Variants in ATG7 observed in about 807,000 individuals in gnomAD.
The protein encoded by ATG7 is autophagy related 7, also known as ubiquitin-like modifier-activating enzyme ATG7.
A neutral mutation model predicts 82.4 loss-of-function variants in ATG7; 70 were observed. The observed-to-expected ratio is 0.85, with a 90% CI of 0.70 to 1.04. The LOEUF is 1.04. Among genes scored for constraint, ATG7 ranks in the 50% least tolerant of loss-of-function variants. The pLI is 0.00. For missense variants in ATG7, 792 were observed against 864.3 expected, an observed-to-expected ratio of 0.92 and a Z score of 1.05; for synonymous variants, 287 against 313.0, an observed-to-expected ratio of 0.92 and a Z score of 0.88.
At chr3:11,374,440 A>G (rs974581087) in intron 18 of ATG7, among the ~76,000 whole-genome samples, 1 of 152,218 alleles carries the variant, frequency 6.6e-6, no homozygotes, top group African/African-American at 2.4e-5. Flanking sequence ...CTCAAAATAG[A>G]TCATAGTCCT....
intron 18 of ATG7, among the ~76,000 whole-genome samples, chr3:11,377,566 T>G (rs905496396): frequency 6.6e-6 from 1 of 152,216 alleles, no homozygotes; most frequent in African/African-American, 2.4e-5. Context: ...CAGAGAAAAT[T>G]ACCAGTATTT....
At chr3:11,370,196 G>A (rs1417137172) in intron 18 of ATG7, among the ~76,000 whole-genome samples, 1 of 151,106 alleles carries the variant, frequency 6.6e-6, no homozygotes, top group Non-Finnish European at 1.5e-5. Context: ...TCCTAAAAAG[G>A]AATTTATAAA....
chr3:11,419,752 C>A (rs1389209394), intron 19 of ATG7, among the ~76,000 whole-genome samples: 3 of 152,156 alleles, frequency 2.0e-5, no homozygotes, highest in South Asian at 4.2e-4. Context: ...AAGGAGTCAC[C>A]AAAGTGTCTT....
At chr3:11,361,244 T>C (rs1043203181) in intron 16 of ATG7, among the ~76,000 whole-genome samples, 1 of 152,050 alleles carries the variant, frequency 6.6e-6, no homozygotes, top group Non-Finnish European at 1.5e-5. Flanking sequence ...AGTAAAAATA[T>C]AGGATTCCCA....
chr3:11,562,555 A>G (rs1028825094), downstream of ATG7, among the ~76,000 whole-genome samples: 1 of 152,066 alleles, frequency 6.6e-6, no homozygotes, highest in Non-Finnish European at 1.5e-5. Context: ...CCAGGAAGAG[A>G]CCTCGGAGCT....
intron 19 of ATG7, among the ~76,000 whole-genome samples, chr3:11,422,489 T>G (rs1201659759): frequency 1.3e-5 from 2 of 152,214 alleles, no homozygotes; most frequent in Admixed American, 1.3e-4. Context: ...TAAAGGGACT[T>G]TTAGCTTTGC....
the ATG7 span, among the ~76,000 whole-genome samples, chr3:11,565,916 T>A: frequency 6.6e-6 from 1 of 152,240 alleles, no homozygotes; most frequent in Admixed American, 6.5e-5. The surrounding 1 kb of genome is among the most constrained non-coding windows in gnomAD (Gnocchi z 4.1). Flanking sequence ...GCCTTGGGTC[T>A]TGCCCCTTCA....
chr3:11,354,408 G>T (rs965130077), intron 14 of ATG7, among the ~76,000 whole-genome samples: 1 of 152,120 alleles, frequency 6.6e-6, no homozygotes, highest in Non-Finnish European at 1.5e-5. Context: ...CCAGTGCTTT[G>T]GGAGGCTGAG....
chr3:11,402,433 A>G (rs1353781218), intron 19 of ATG7, among the ~76,000 whole-genome samples: 2 of 152,260 alleles, frequency 1.3e-5, no homozygotes, highest in East Asian at 3.9e-4. Context: ...ACTCCGTCTC[A>G]AAAAATAAAT....
chr3:11,384,885 A>G (rs984168826), intron 19 of ATG7, among the ~76,000 whole-genome samples: 6 of 152,180 alleles, frequency 3.9e-5, no homozygotes, highest in African/African-American at 7.2e-5. Context: ...CCTTGAGCCC[A>G]GAGGTTGAGA....
At chr3:11,512,919 T>C (rs1006119528) in intron 20 of ATG7, among the ~76,000 whole-genome samples, 14 of 152,176 alleles carry the variant, frequency 9.2e-5, no homozygotes, top group African/African-American at 3.1e-4. Flanking sequence ...ATCCCTGAGC[T>C]AGACACAAAA....
chr3:11,504,191 G>A (rs974301310), intron 20 of ATG7, among the ~76,000 whole-genome samples: 1 of 152,158 alleles, frequency 6.6e-6, no homozygotes, highest in African/African-American at 2.4e-5. Context: ...AAAAATCAGA[G>A]TTGTTTTTGG....
At chr3:11,484,597 T>C (rs1032673604) in intron 20 of ATG7, among the ~76,000 whole-genome samples, 3 of 152,154 alleles carry the variant, frequency 2.0e-5, no homozygotes, top group African/African-American at 7.2e-5. Context: ...ATGTGCACAA[T>C]GTGCAGGTTA....
intron 9 of ATG7, among the ~76,000 whole-genome samples, chr3:11,322,366 T>A (rs557644122): frequency 6.6e-6 from 1 of 152,362 alleles, no homozygotes; most frequent in African/African-American, 2.4e-5. Context: ...GTGACCATTT[T>A]ATGACCATTT....
At chr3:11,425,563 C>G (rs2082295144) in intron 19 of ATG7, among the ~76,000 whole-genome samples, 1 of 152,124 alleles carries the variant, frequency 6.6e-6, no homozygotes, top group African/African-American at 2.4e-5. Context: ...TTTCACAGTC[C>G]CTGTGATCAC....
At chr3:11,431,582 C>T (rs752967622) in intron 20 of ATG7, among the ~76,000 whole-genome samples, 1 of 152,292 alleles carries the variant, frequency 6.6e-6, no homozygotes, top group East Asian at 1.9e-4. Context: ...CCCTGGCAAC[C>T]ACTAATCTTC....
chr3:11,298,104 G>A (rs530545504), intron 3 of ATG7, among the ~76,000 whole-genome samples: 82 of 152,088 alleles, frequency 5.4e-4, no homozygotes, highest in Middle Eastern at 3.4e-3. Flanking sequence ...GCTTGAACCC[G>A]GGAGGCGGAG....
chr3:11,295,708 T>C (rs1296413965), intron 3 of ATG7, among the ~76,000 whole-genome samples: 2 of 152,214 alleles, frequency 1.3e-5, no homozygotes, highest in South Asian at 2.1e-4. Context: ...TTGGTAGATA[T>C]ATGTACTGTC....
chr3:11,519,850 C>A (rs767781196), intron 20 of ATG7, among the ~76,000 whole-genome samples: 2 of 151,980 alleles, frequency 1.3e-5, no homozygotes, highest in Non-Finnish European at 2.9e-5. Flanking sequence ...CGTGAGCCAC[C>A]ATGCCCAGCC....
Sources: gnomAD v4.1 joint callset for allele counts (sites outside exome capture counted in the v4.1 genomes callset) on GRCh38, gnomAD v4.1.1 for gene constraint, Gnocchi (gnomAD v3.1) non-coding constraint, MANE v1.5 for transcripts, NCBI Gene and HGNC (gene_info 2026-07-23, HGNC 2026-07-21) for gene names.